Variants in PRKN observed in about 807,000 individuals in gnomAD.
PRKN encodes the protein E3 ubiquitin-protein ligase parkin.
A neutral mutation model predicts 59.5 loss-of-function variants in PRKN; 56 were observed. The observed-to-expected ratio is 0.94, with a 90% CI of 0.76 to 1.18. The LOEUF (loss-of-function observed/expected upper bound fraction) is 1.18. Among genes scored for constraint, PRKN ranks in the 50% most tolerant of loss-of-function variants. The pLI is 0.00. For synonymous variants in PRKN, 250 were observed against 222.1 expected, an observed-to-expected ratio of 1.13 and a Z score of -1.12; for missense variants, 657 against 596.4, an observed-to-expected ratio of 1.10 and a Z score of -1.06.
intron 4 of PRKN, among the ~76,000 whole-genome samples, chr6:162,142,110 A>G (rs1231923982): frequency 6.6e-6 from 1 of 152,238 alleles, no homozygotes; most frequent in Non-Finnish European, 1.5e-5. Context: ...CGAAACTGCA[A>G]TAAGTCTGAA....
At position 161,717,016 on chromosome 6, in the gene PRKN, T is replaced by C. The variant is rs559893561; in HGVS notation, c.871+68756A>G. Among the ~76,000 whole-genome samples the C allele has an allele frequency of 2.0e-5, 3 of 152,146 alleles. No homozygotes were observed. The South Asian group carries it at 6.2e-4, about 32-fold the overall frequency. On this transcript the variant is annotated intron_variant, in intron 7 of 11. Transcript: ENST00000366898. ...TGTTCTAATTGCTGTGTGCAGAGCA[T>C]GTCATGTAGGCTGGGCTGGCCAACA...
intron 6 of PRKN, among the ~76,000 whole-genome samples, chr6:161,874,149 A>T (rs1381280472): frequency 2.0e-5 from 1 of 49,008 alleles, no homozygotes; most frequent in Admixed American, 3.9e-4. Context: ...GTAAAATATA[A>T]TATATATTAT....
In PRKN at chr6:162,393,056, A is replaced by T. The variant is rs6938675; in HGVS notation, c.171+50254T>A. ...CTCACATTAGTCCTCCTTTCACCCA[A>T]GCTGGCTCCAGTAATTGGGTGACTG... On this transcript the variant is annotated intron_variant, in intron 2 of 11. Transcript: ENST00000366898. 4.0e-3 allele frequency among the ~76,000 whole-genome samples: 610 copies of T among 151,886 alleles called. 9 individuals are homozygous for T. Among genetic ancestry groups the T allele is most frequent in the African/African-American group, 0.014 (578 of 41,388 alleles).
rs1261046874 is a variant in PRKN at position 161,753,164 on chromosome 6, AT to A, written c.871+32607del. ...GAGATAAGACATAAATTTAGAAGTC[AT>A]GAGTAGGTAAATGATATTAAAGTAA... On this transcript the variant is annotated intron_variant, in intron 7 of 11. Transcript: ENST00000366898. 2.6e-5 allele frequency among the ~76,000 whole-genome samples: 4 copies of A among 152,316 alleles called. No homozygotes were observed. In the East Asian group the frequency reaches 7.7e-4, roughly 29 times the overall value.
At chr6:162,148,114 G>A (rs1198895032) in intron 4 of PRKN, among the ~76,000 whole-genome samples, 6 of 152,112 alleles carry the variant, frequency 3.9e-5, no homozygotes, top group African/African-American at 1.4e-4. Flanking sequence ...CAGTTGACTA[G>A]CCTTGTAGAT....
At position 162,112,861 on chromosome 6, in the gene PRKN, G is replaced by A. The variant is rs182985487; in HGVS notation, c.535-58687C>T. Among the ~76,000 whole-genome samples the A allele has an allele frequency of 1.1e-3, 160 of 151,898 alleles. 1 individual carries two copies. The highest frequency in any genetic ancestry group is 3.8e-3 in the South Asian group (18 of 4,792). ...GAGGCTGAGGTAGGGAGGTCAAGGC[G>A]GCAGTGAGCCATGGTCGCGCCACTG... On this transcript the variant is annotated intron_variant, in intron 4 of 11. Transcript: ENST00000366898.
intron 6 of PRKN, among the ~76,000 whole-genome samples, chr6:161,878,505 G>A (rs1461694689): frequency 1.3e-5 from 2 of 152,066 alleles, no homozygotes; most frequent in Admixed American, 6.6e-5. Flanking sequence ...ATTATTTTGT[G>A]TTTGAATTTT....
chr6:162,066,124 T>C (rs1399037374), intron 4 of PRKN, among the ~76,000 whole-genome samples: 1 of 152,194 alleles, frequency 6.6e-6, no homozygotes, highest in Non-Finnish European at 1.5e-5. Context: ...TTTCTAGTTC[T>C]AGATCCTTGA....
chr6:161,524,529 T>TTA, intron 9 of PRKN, among the ~76,000 whole-genome samples: 1 of 152,046 alleles, frequency 6.6e-6, no homozygotes, highest in African/African-American at 2.4e-5. Context: ...TTAGTATATT[T>TTA]GGTAGAAACG....
chr6:162,106,971 C>T (rs897863412), intron 4 of PRKN, among the ~76,000 whole-genome samples: 3 of 152,188 alleles, frequency 2.0e-5, no homozygotes, highest in Non-Finnish European at 4.4e-5. Flanking sequence ...CTTCAGGTTA[C>T]CTGTGCATTT....
chr6:161,630,994 C>T (rs1289167854), intron 7 of PRKN, among the ~76,000 whole-genome samples: 1 of 152,202 alleles, frequency 6.6e-6, no homozygotes, highest in Non-Finnish European at 1.5e-5. Flanking sequence ...TGTTTGCGGG[C>T]AGCACTACCC....
At chr6:161,931,063 T>C (rs913865618) in intron 6 of PRKN, among the ~76,000 whole-genome samples, 1 of 152,218 alleles carries the variant, frequency 6.6e-6, no homozygotes, top group Non-Finnish European at 1.5e-5. Context: ...TGGTAATTGG[T>C]TATAGCAGCT....
At chr6:162,232,842 C>T (rs937102009) in intron 3 of PRKN, among the ~76,000 whole-genome samples, 3 of 152,048 alleles carry the variant, frequency 2.0e-5, no homozygotes, top group African/African-American at 7.3e-5. Flanking sequence ...GTGTAAACTA[C>T]AGGCTTTAGA....
rs369827763 is a variant in PRKN, at chr6:162,390,375, G to GTATATATATATATATATATA, written c.171+52915_171+52934dup. On this transcript the variant is annotated intron_variant, in intron 2 of 11. Coordinates refer to ENST00000366898, the MANE Select transcript of PRKN (RefSeq NM_004562.3). ...GCCACATGGTGATTATACTGCTAAG[G>GTATATATATATATATATATA]TATATATATATATATATATATACAC... 1.8e-3 allele frequency among the ~76,000 whole-genome samples: 173 copies of GTATATATATATATATATATA among 98,722 alleles called. 2 individuals are homozygous for GTATATATATATATATATATA. Among genetic ancestry groups the GTATATATATATATATATATA allele is most frequent in the Non-Finnish European group, 2.0e-3 (101 of 51,496 alleles). The allele number at this position is 98,722 out of a possible 152,430, so 64.8% of individuals were successfully genotyped here. A position where few individuals can be genotyped will look rare whatever the true frequency, so the allele number is the denominator to read the frequency against.
intron 1 of PRKN, among the ~76,000 whole-genome samples, chr6:162,472,457 C>CTTTAA (rs1554332259): frequency 9.7e-5 from 12 of 123,658 alleles, no homozygotes; most frequent in African/African-American, 3.6e-4. Flanking sequence ...CAAACTCTAA[C>CTTTAA]TTTTATTTTA....
intron 4 of PRKN, among the ~76,000 whole-genome samples, chr6:162,121,356 G>A (rs757228059): frequency 4.6e-5 from 7 of 152,100 alleles, no homozygotes; most frequent in Admixed American, 6.6e-5. Context: ...GAATGCTTCC[G>A]AGCATGTGAG....
chr6:162,546,769 C>T (rs1339388340), intron 1 of PRKN, among the ~76,000 whole-genome samples: 1 of 152,104 alleles, frequency 6.6e-6, no homozygotes, highest in Non-Finnish European at 1.5e-5. Flanking sequence ...CTTACATTAA[C>T]TTGATGTCTC....
intron 6 of PRKN, among the ~76,000 whole-genome samples, chr6:161,946,474 C>A (rs1488270933): frequency 2.7e-5 from 4 of 150,548 alleles, no homozygotes; most frequent in Admixed American, 2.0e-4. Flanking sequence ...ACAGCGCTAA[C>A]CCTGTCTTGA....
intron 6 of PRKN, among the ~76,000 whole-genome samples, chr6:161,970,555 G>A (rs1387377995): frequency 2.0e-5 from 3 of 148,132 alleles, no homozygotes; most frequent in Admixed American, 2.0e-4. Context: ...TTTTTTTCTT[G>A]AGACGGAGTT....
Sources: gnomAD v4.1 joint callset for allele counts (sites outside exome capture counted in the v4.1 genomes callset) on GRCh38, gnomAD v4.1.1 for gene constraint, MANE v1.5 for transcripts, NCBI Gene and HGNC (gene_info 2026-07-23, HGNC 2026-07-21) for gene names.